Variants in DSCAM observed in about 807,000 individuals in gnomAD.
DSCAM encodes the protein DS cell adhesion molecule.
A neutral mutation model predicts 217.7 loss-of-function variants in DSCAM; 47 were observed. The ratio of observed to expected loss-of-function variants is 0.22; its 90% CI spans 0.17 to 0.28. The LOEUF (loss-of-function observed/expected upper bound fraction) is 0.28, where lower values mean the gene tolerates loss of function less well. DSCAM is among the 10% of genes least tolerant of loss of function. The probability of loss-of-function intolerance (pLI) is 1.00; values close to 1 mark genes in which losing one functional copy is unlikely to be tolerated. For missense variants in DSCAM, 2,080 were observed against 2,618.3 expected (o/e 0.79, Z 4.49); for synonymous variants, 1,056 against 1,015.3 (o/e 1.04, Z -0.76).
In DSCAM at chr21:40,646,410, C is replaced by CA. The variant is rs112111569; in HGVS notation, c.508+46399dup. ...TGGGCAACAGAGTGAGAGACTCTGT[C>CA]AAAAAAAAAAAAAAAAAAGGGGGGC... is the stretch of plus-strand genomic sequence containing the variant. On this transcript the variant is annotated intron_variant, in intron 3 of 32. Coordinates refer to ENST00000400454, the MANE Select transcript of DSCAM (RefSeq NM_001389.5). Among the ~76,000 whole-genome samples the CA allele has an allele frequency of 8.3e-3, 1,072 of 129,064 alleles. 12 individuals carry two copies. Among genetic ancestry groups the CA allele is most frequent in the African/African-American group, 0.024 (808 of 33,404 alleles). 84.7% of individuals were successfully genotyped at this position (129,064 alleles called of 152,430 possible).
At chr21:40,458,874 C>A (rs2145944334) in intron 3 of DSCAM, among the ~76,000 whole-genome samples, 1 of 152,070 alleles carries the variant, frequency 6.6e-6, no homozygotes, top group Admixed American at 6.5e-5. Context: ...GATTTATGAC[C>A]AAGAATTCAC....
rs749249638 is a variant in DSCAM at position 40,075,233 on chromosome 21, G to A, written c.4712-20C>T. On this transcript the variant is annotated intron_variant, in intron 26 of 32. Coordinates refer to ENST00000400454, the MANE Select transcript of DSCAM (RefSeq NM_001389.5). ...TTGTACCTGAAAGCAGGGCCACGGTGTTAGATGGCTATTAATGAAGACGGC... is the reference window on the plus strand; with the variant it reads ...TTGTACCTGAAAGCAGGGCCACGGTATTAGATGGCTATTAATGAAGACGGC... 3.7e-6 allele frequency: 6 copies of A among 1,613,448 alleles called. No homozygotes were observed. The South Asian group carries it at 6.6e-5, about 18-fold the overall frequency.
intron 10 of DSCAM, among the ~76,000 whole-genome samples, chr21:40,278,977 T>C (rs546932213): frequency 2.6e-5 from 4 of 152,346 alleles, no homozygotes; most frequent in African/African-American, 4.8e-5. Flanking sequence ...AGGATAATTG[T>C]ACATTTAGAA....
chr21:40,242,635 G>T (rs1395775166), intron 11 of DSCAM, among the ~76,000 whole-genome samples: 1 of 152,142 alleles, frequency 6.6e-6, no homozygotes, highest in Non-Finnish European at 1.5e-5. Flanking sequence ...TGGCTTCCAG[G>T]CTGGAAGCCT....
rs745443399 is a variant in DSCAM at position 40,187,169 on chromosome 21, G to A, written c.2741C>T (p.Pro914Leu). The change falls in exon 14 of 33, where the codon CCC becomes CTC. Residue 914 changes from proline to leucine, a missense_variant. By Grantham distance (98) the Pro-to-Leu change is moderately conservative (BLOSUM62 -3). Around this residue, in one of 5 missense-constraint regions of DSCAM, gnomAD observed 1,144 missense variants for 1,421.1 expected, o/e 0.81. Coordinates refer to ENST00000400454, the MANE Select transcript of DSCAM (RefSeq NM_001389.5). ...RWTMGFDGNSPITGYDIECKN... is the reference protein window; with the variant it reads ...RWTMGFDGNSLITGYDIECKN... The stretch of plus-strand genomic sequence containing the variant: ...GCATTCAATATCGTAGCCTGTGATG[G>A]GACTGTTTCCATCAAACCCCATGGT... The A allele has an allele frequency of 6.2e-7, 1 of 1,614,072 alleles. No homozygotes were observed. The highest frequency in any genetic ancestry group is 1.1e-5 in the South Asian group (1 of 91,076).
intron 3 of DSCAM, among the ~76,000 whole-genome samples, chr21:40,626,731 T>C (rs1441925806): frequency 6.6e-6 from 1 of 152,204 alleles, no homozygotes; most frequent in Non-Finnish European, 1.5e-5. Context: ...TATAAGCTTC[T>C]TAAAGGCAGA....
chr21:40,545,543 C>T (rs1449067100), intron 3 of DSCAM, among the ~76,000 whole-genome samples: 2 of 151,994 alleles, frequency 1.3e-5, no homozygotes, highest in Non-Finnish European at 2.9e-5. Context: ...CCAGACAGAC[C>T]ACAGAGAAGT....
intron 9 of DSCAM, 120 bp from the exon 10 acceptor site, chr21:40,296,294 T>G: frequency 8.3e-7 from 1 of 1,207,144 alleles, no homozygotes. Flanking sequence ...TTCATACACA[T>G]GGGACAATAA....
intron 3 of DSCAM, among the ~76,000 whole-genome samples, chr21:40,666,078 G>T (rs1054732879): frequency 6.6e-6 from 1 of 152,122 alleles, no homozygotes; most frequent in Non-Finnish European, 1.5e-5. Flanking sequence ...TACTCTCAGT[G>T]GGGACTGCCA....
chr21:40,689,636 T>C (rs1180221311), intron 3 of DSCAM, among the ~76,000 whole-genome samples: 1 of 152,210 alleles, frequency 6.6e-6, no homozygotes, highest in Non-Finnish European at 1.5e-5. Flanking sequence ...CTGAAGGAAG[T>C]GATCTCTGCA....
At chr21:40,240,182 C>T (rs998134830) in intron 11 of DSCAM, among the ~76,000 whole-genome samples, 1 of 152,132 alleles carries the variant, frequency 6.6e-6, no homozygotes, top group African/African-American at 2.4e-5. Flanking sequence ...TATACAACCA[C>T]AGGAGGAAGC....
At chr21:40,398,156 G>A (rs922324712) in intron 3 of DSCAM, among the ~76,000 whole-genome samples, 2 of 152,132 alleles carry the variant, frequency 1.3e-5, no homozygotes, top group Admixed American at 6.5e-5. Flanking sequence ...TACAAACTAC[G>A]GAATCTTCAT....
chr21:40,409,619 G>A (rs977310355), intron 3 of DSCAM, among the ~76,000 whole-genome samples: 3 of 152,204 alleles, frequency 2.0e-5, no homozygotes, highest in South Asian at 2.1e-4. Context: ...CCAAGGCTAC[G>A]GCAAGAACAA....
At chr21:40,694,957 G>A (rs1403217883) in intron 2 of DSCAM, among the ~76,000 whole-genome samples, 1 of 152,152 alleles carries the variant, frequency 6.6e-6, no homozygotes, top group African/African-American at 2.4e-5. Flanking sequence ...GAGGATGGAG[G>A]ACAGAGGAGA....
At chr21:40,550,537 C>T (rs544210135) in intron 3 of DSCAM, among the ~76,000 whole-genome samples, 1 of 152,242 alleles carries the variant, frequency 6.6e-6, no homozygotes, top group East Asian at 1.9e-4. Context: ...AAAAAAATTG[C>T]TTTTTCCTCA....
chr21:40,427,118 C>T (rs915041347), intron 3 of DSCAM, among the ~76,000 whole-genome samples: 4 of 152,184 alleles, frequency 2.6e-5, no homozygotes, highest in Admixed American at 6.5e-5. Flanking sequence ...TTGAAGACAG[C>T]GAGCAGGGCA....
rs2089434315 is a variant in DSCAM, at chr21:40,080,171, T to C, written c.4401A>G (p.Glu1467=). 6.4e-7 allele frequency: 1 copy of C among 1,574,112 alleles called. No homozygotes were observed. ...VGPGRISEII[E]AKTLGKEPQF... is the part of the protein sequence containing the mutation. The stretch of plus-strand genomic sequence containing the variant: ...ACCTACCTTTTCCTAAGGTCTTTGC[T>C]TCTATGATTTCACTTATGCGCCCTG... Residue 1467 remains glutamate, a synonymous_variant, in exon 25 of 33, where the codon GAA becomes GAG. Coordinates refer to ENST00000400454, the MANE Select transcript of DSCAM (RefSeq NM_001389.5).
At chr21:40,125,638 T>A (rs536883625) in intron 19 of DSCAM, among the ~76,000 whole-genome samples, 137 of 152,330 alleles carry the variant, frequency 9.0e-4, no homozygotes, top group Middle Eastern at 3.4e-3. Flanking sequence ...TAGTCACCAT[T>A]TGAAAATATA....
At chr21:40,674,663 C>T (rs148789930) in intron 3 of DSCAM, among the ~76,000 whole-genome samples, 2,266 of 124,514 alleles carry the variant, frequency 0.018, 58 homozygotes, top group African/African-American at 0.067. Flanking sequence ...GACGGAGTCT[C>T]GCTTTGTCTC....
Sources: allele counts gnomAD v4.1 joint callset (sites outside exome capture counted in the v4.1 genomes callset), GRCh38; gene constraint gnomAD v4.1.1; regional missense constraint gnomAD v4.1.1; transcripts MANE v1.5; gene names NCBI Gene and HGNC (gene_info 2026-07-23, HGNC 2026-07-21).